The following RNF168 variants were observed in gnomAD, a reference collection of about 807,000 sequenced individuals.
RNF168 encodes ring finger protein 168.
Under a neutral mutation model 34.9 loss-of-function variants are expected in RNF168, and 34 were observed. The observed-to-expected ratio is 0.97, with a 90% CI of 0.74 to 1.30. The LOEUF is 1.30. Among genes scored for constraint, RNF168 ranks in the 50% most tolerant of loss-of-function variants. The pLI is 0.00. For synonymous variants in RNF168, 264 were observed against 254.7 expected (o/e 1.04, Z -0.35); for missense variants, 725 against 682.5 (o/e 1.06, Z -0.69).
chr3:196,478,421 T>C (rs1207101347), intron 4 of RNF168, among the ~76,000 whole-genome samples: 1 of 152,216 alleles, frequency 6.6e-6, no homozygotes, highest in Non-Finnish European at 1.5e-5. Flanking sequence ...TGGCTGTCTC[T>C]GCCCCTCATT....
In RNF168 at chr3:196,471,767, G is replaced by C; in HGVS notation, c.*52C>G. ...TGGATGAAGATTCCATGATAGGAAA[G>C]AGCTTCACATTCCAGCTTTACTAGA... On this transcript the variant is annotated 3_prime_UTR_variant, in exon 6 of 6. Coordinates refer to ENST00000318037, the MANE Select transcript of RNF168 (RefSeq NM_152617.4). The C allele has an allele frequency of 8.7e-7, 1 of 1,144,370 alleles. No homozygotes were observed. The highest frequency in any genetic ancestry group is 1.3e-6 in the Non-Finnish European group (1 of 752,884). The allele number at this position is 1,144,370 out of a possible 1,614,324, so 70.9% of individuals were successfully genotyped here. A position where few individuals can be genotyped will look rare whatever the true frequency, so the allele number is the denominator to read the frequency against.
intron 1 of RNF168, among the ~76,000 whole-genome samples, chr3:196,489,334 T>C (rs746308850): frequency 6.7e-6 from 1 of 150,086 alleles, no homozygotes; most frequent in Non-Finnish European, 1.5e-5. Context: ...AAAAAAATGT[T>C]TTTTTTTTTT....
chr3:196,491,828 T>A (rs187879099), intron 1 of RNF168, among the ~76,000 whole-genome samples: 22 of 152,116 alleles, frequency 1.4e-4, no homozygotes, highest in Non-Finnish European at 2.9e-4. Context: ...AATGGACACG[T>A]GCTAGAACAC....
chr3:196,478,523 C>G (rs1732206631), intron 4 of RNF168, among the ~76,000 whole-genome samples: 1 of 152,104 alleles, frequency 6.6e-6, no homozygotes, highest in Admixed American at 6.5e-5. Flanking sequence ...TACTCTGGCT[C>G]GAGAGGCTGC....
At chr3:196,502,791 T>C (rs1017695852) in intron 1 of RNF168, 82 bp downstream of exon 1, 29 of 1,324,846 alleles carry the variant, frequency 2.2e-5, no homozygotes, top group African/African-American at 2.9e-5. Context: ...GGTTTGTTTT[T>C]ACTTTTTAAA....
At chr3:196,499,499 A>G (rs888681715) in intron 1 of RNF168, among the ~76,000 whole-genome samples, 1 of 151,840 alleles carries the variant, frequency 6.6e-6, no homozygotes, top group African/African-American at 2.4e-5. Context: ...ATGAAGTTCC[A>G]GAACAGAAAA....
At chr3:196,488,769 A>C in intron 1 of RNF168, 86 bp from the exon 2 acceptor site, 1 of 756,678 alleles carries the variant, frequency 1.3e-6, no homozygotes, top group East Asian at 2.6e-5. Flanking sequence ...AAAAATTAAA[A>C]TATACAACTA....
rs777463025 is a variant in RNF168 at position 196,475,309 on chromosome 3, A to G, written c.684T>C (p.Tyr228=). 1.5e-5 allele frequency: 24 copies of G among 1,599,168 alleles called. No individual in the cohort carries two copies. Among genetic ancestry groups the G allele is most frequent in the Non-Finnish European group, 2.1e-5 (24 of 1,166,418 alleles). ...KQRNTGDIQK[Y]LTPKSQFGSA... ...ACCCAAACTGAGATTTCGGTGTCAAATACCTAAAAGAAAAGTTTACCAAAG... is the reference window on the plus strand; with the variant it reads ...ACCCAAACTGAGATTTCGGTGTCAAGTACCTAAAAGAAAAGTTTACCAAAG... Residue 228 remains tyrosine, a synonymous_variant, in exon 5 of 6, where the codon TAT becomes TAC. Coordinates refer to ENST00000318037, the MANE Select transcript of RNF168 (RefSeq NM_152617.4).
chr3:196,487,369 C>T (rs1379821837), intron 3 of RNF168, 30 bp downstream of exon 3: 2 of 1,587,724 alleles, frequency 1.3e-6, no homozygotes, highest in African/African-American at 2.7e-5. Context: ...AAGGGATGAC[C>T]ATACCTTAGC....
chr3:196,492,126 T>G (rs1434028333), intron 1 of RNF168, among the ~76,000 whole-genome samples: 1 of 152,202 alleles, frequency 6.6e-6, no homozygotes, highest in African/African-American at 2.4e-5. Context: ...ATGGTTAACA[T>G]GGCGGATTTT....
At chr3:196,488,572 A>C in intron 2 of RNF168, 35 bp downstream of exon 2, 1 of 1,153,118 alleles carries the variant, frequency 8.7e-7, no homozygotes, top group South Asian at 1.3e-5. Flanking sequence ...CACAGCAGAG[A>C]AATATTCCAA....
intron 1 of RNF168, among the ~76,000 whole-genome samples, chr3:196,499,624 C>CTCTTG (rs1732831887): frequency 6.6e-6 from 1 of 152,104 alleles, no homozygotes; most frequent in Admixed American, 6.6e-5. Flanking sequence ...AGATTGAGAC[C>CTCTTG]ATCCTGACCA....
rs1170913573 is a variant in RNF168 at position 196,469,979 on chromosome 3, G to C, written c.*1840C>G. ...AAGCTGTAAAACCCAAATGTTTCCTGTGTTCTTTCACAAGGACAAGGGAAG... is the reference window on the plus strand; with the variant it reads ...AAGCTGTAAAACCCAAATGTTTCCTCTGTTCTTTCACAAGGACAAGGGAAG... On this transcript the variant is annotated 3_prime_UTR_variant, in exon 6 of 6. Transcript: ENST00000318037. The C allele has an allele frequency of 6.6e-6, 1 of 152,216 alleles. No homozygotes were observed. Among genetic ancestry groups the C allele is most frequent in the East Asian group, 1.9e-4 (1 of 5,196 alleles). The allele number at this position is 152,216 out of a possible 1,614,324, so 9.4% of individuals were successfully genotyped here.
intron 3 of RNF168, among the ~76,000 whole-genome samples, chr3:196,485,791 T>TC (rs1732409296): frequency 6.6e-6 from 1 of 151,916 alleles, no homozygotes; most frequent in Non-Finnish European, 1.5e-5. Flanking sequence ...TATATTTTTT[T>TC]ATTCTATTGA....
intron 1 of RNF168, among the ~76,000 whole-genome samples, chr3:196,495,140 A>C (rs982105248): frequency 2.0e-5 from 3 of 152,070 alleles, no homozygotes; most frequent in Admixed American, 6.6e-5. Context: ...ACCTGCATTT[A>C]GATTCATGAA....
At chr3:196,491,290 A>G (rs1425877342) in intron 1 of RNF168, among the ~76,000 whole-genome samples, 3 of 146,404 alleles carry the variant, frequency 2.0e-5, no homozygotes, top group South Asian at 4.4e-4. Context: ...TCCAGCCTGG[A>G]CGACAGAGGG....
chr3:196,477,770 T>C (rs1732183185), intron 4 of RNF168, among the ~76,000 whole-genome samples: 1 of 152,182 alleles, frequency 6.6e-6, no homozygotes, highest in African/African-American at 2.4e-5. Flanking sequence ...CCAAGTAATA[T>C]ATGAATACAT....
chr3:196,485,158 T>C (rs1732392394), intron 3 of RNF168, among the ~76,000 whole-genome samples: 1 of 152,148 alleles, frequency 6.6e-6, no homozygotes, highest in Admixed American at 6.6e-5. Flanking sequence ...GAAAAGTTCA[T>C]ATATGGTGAT....
Position 196,470,164 on chromosome 3 carries a change from T to A in RNF168, c.*1655A>T, listed in dbSNP as rs1227828229. On this transcript the variant is annotated 3_prime_UTR_variant, in exon 6 of 6. Transcript: ENST00000318037. Reference sequence around the variant, plus strand: ...CTGTCAGTCACCCCATCCAGCCTCATCCTCATCTGGACCCATTTCTCACCA... The same window carrying A: ...CTGTCAGTCACCCCATCCAGCCTCAACCTCATCTGGACCCATTTCTCACCA... The A allele has an allele frequency of 3.3e-5, 5 of 151,508 alleles. No individual in the cohort carries two copies. The highest frequency in any genetic ancestry group is 7.3e-5 in the Non-Finnish European group (5 of 68,094). 9.4% of individuals were successfully genotyped at this position (151,508 alleles called of 1,614,324 possible).
Sources: allele counts gnomAD v4.1 joint callset (sites outside exome capture counted in the v4.1 genomes callset), GRCh38; gene constraint gnomAD v4.1.1; transcripts MANE v1.5; gene names NCBI Gene and HGNC (gene_info 2026-07-23, HGNC 2026-07-21).